CDK8: variants seen among roughly 807,000 people sequenced by gnomAD.
The protein encoded by CDK8 is cyclin dependent kinase 8, also known as cyclin-dependent kinase 8.
CDK8 carries 29 observed loss-of-function variants against 71.5 expected under a neutral mutation model. That is an observed-to-expected ratio of 0.41 (90% CI 0.30 to 0.55). The LOEUF is 0.55. Among genes scored for constraint, CDK8 ranks in the 20% least tolerant of loss-of-function variants. The pLI, the probability that CDK8 is intolerant of heterozygous loss-of-function variation, is 0.37. For missense variants in CDK8, 288 were observed against 572.6 expected (o/e 0.50, Z 5.07); for synonymous variants, 161 against 192.1 (o/e 0.84, Z 1.34).
intron 2 of CDK8, among the ~76,000 whole-genome samples, chr13:26,340,906 A>T (rs1293126058): frequency 6.6e-6 from 1 of 152,206 alleles, no homozygotes; most frequent in Non-Finnish European, 1.5e-5. Flanking sequence ...CTAAAAGCAA[A>T]GAGCATTGCA....
chr13:26,257,232 A>G (rs1454848500), intron 1 of CDK8, among the ~76,000 whole-genome samples: 1 of 152,206 alleles, frequency 6.6e-6, no homozygotes, highest in Non-Finnish European at 1.5e-5. Context: ...AAGTAACGCA[A>G]ATAAGCTTGG....
intron 1 of CDK8, among the ~76,000 whole-genome samples, chr13:26,275,076 A>G (rs1402771805): frequency 6.6e-6 from 1 of 152,150 alleles, no homozygotes; most frequent in African/African-American, 2.4e-5. Context: ...TGCTGCTTTT[A>G]TCATTACCCT....
chr13:26,273,067 CTA>C (rs1872403944), intron 1 of CDK8, among the ~76,000 whole-genome samples: 2 of 152,068 alleles, frequency 1.3e-5, no homozygotes, highest in Non-Finnish European at 2.9e-5. Flanking sequence ...ACAAAAACTT[CTA>C]TGTTTTTTCC....
chr13:26,345,311 C>G (rs1417899220), intron 2 of CDK8, among the ~76,000 whole-genome samples: 1 of 152,134 alleles, frequency 6.6e-6, no homozygotes, highest in African/African-American at 2.4e-5. Flanking sequence ...AGTCTTTACT[C>G]TCAGAGATTT....
intron 1 of CDK8, among the ~76,000 whole-genome samples, chr13:26,271,806 C>CTTTTTTTTTTTT (rs58160694): frequency 3.2e-5 from 2 of 62,684 alleles, no homozygotes; most frequent in African/African-American, 1.7e-4. Flanking sequence ...GAGACCCTGT[C>CTTTTTTTTTTTT]TTTTTTTTTT....
At chr13:26,341,652 T>A (rs1873243883) in intron 2 of CDK8, among the ~76,000 whole-genome samples, 1 of 152,212 alleles carries the variant, frequency 6.6e-6, no homozygotes, top group South Asian at 2.1e-4. Flanking sequence ...TTAGGCTTTT[T>A]AAGCCCATTT....
At chr13:26,348,929 C>T (rs752853480) in intron 2 of CDK8, 143 bp from the exon 3 acceptor site, 38 of 660,268 alleles carry the variant, frequency 5.8e-5, no homozygotes, top group Non-Finnish European at 7.8e-5. Context: ...CTGAAGTATC[C>T]GTCTCAGAAT....
Position 26,337,591 on chromosome 13 carries a change from A to G in CDK8, c.153A>G (p.Leu51=), listed in dbSNP as rs747251161. The G allele has an allele frequency of 2.1e-6, 3 of 1,463,126 alleles. No individual in the cohort carries two copies. The East Asian group carries it at 7.4e-5, about 36-fold the overall frequency. 90.6% of individuals were successfully genotyped at this position (1,463,126 alleles called of 1,614,324 possible). ...GGAAGGATGATAAAGACTATGCTTTAAAACAAATAGAAGGAACTGGGATCT... is the reference window on the plus strand; with the variant it reads ...GGAAGGATGATAAAGACTATGCTTTGAAACAAATAGAAGGAACTGGGATCT... ...KDGKDDKDYA[L]KQIEGTGISM... Residue 51 remains leucine (L), a synonymous_variant, in exon 2 of 13, where the codon TTA becomes TTG. Coordinates refer to ENST00000381527, the MANE Select transcript of CDK8 (RefSeq NM_001260.3).
At chr13:26,385,482 C>T in intron 6 of CDK8, 140 bp downstream of exon 6, 1 of 646,442 alleles carries the variant, frequency 1.5e-6, no homozygotes, top group South Asian at 3.2e-5. Context: ...TGCCTGTAAT[C>T]CAAGCACTTT....
rs912559265 is a variant in CDK8 at position 26,337,870 on chromosome 13, C to T, written c.204+228C>T. 2.6e-5 allele frequency among the ~76,000 whole-genome samples: 4 copies of T among 151,970 alleles called. No homozygotes were observed. In the South Asian group the frequency reaches 6.2e-4, roughly 24 times the overall value. On this transcript the variant is annotated intron_variant, in intron 2 of 12. Transcript: ENST00000381527. ...TAAATTTCAGTTGTTTATATAAATA[C>T]ATGTTTTCCCAATACCTGTCACTAA...
intron 6 of CDK8, 152 bp from the exon 7 acceptor site, chr13:26,393,215 A>G: frequency 1.8e-6 from 1 of 566,832 alleles, no homozygotes. Context: ...CTTAGGAATT[A>G]ATATGAGTTA....
intron 1 of CDK8, among the ~76,000 whole-genome samples, chr13:26,299,464 C>G (rs1873722105): frequency 6.6e-6 from 1 of 152,152 alleles, no homozygotes; most frequent in Non-Finnish European, 1.5e-5. Flanking sequence ...ATGGTGCTGT[C>G]CTGAATCTTG....
intron 4 of CDK8, among the ~76,000 whole-genome samples, chr13:26,354,600 G>A (rs1873816020): frequency 6.6e-6 from 1 of 152,166 alleles, no homozygotes; most frequent in Non-Finnish European, 1.5e-5. Flanking sequence ...CAGATCAGTG[G>A]CAGCATTAGA....
intron 4 of CDK8, among the ~76,000 whole-genome samples, chr13:26,360,413 C>T (rs144455589): frequency 6.6e-6 from 1 of 152,320 alleles, no homozygotes; most frequent in African/African-American, 2.4e-5. Flanking sequence ...AGCTAATTTT[C>T]CAGCCAACTC....
intron 6 of CDK8, among the ~76,000 whole-genome samples, chr13:26,391,803 CACTT>C (rs1359894099): frequency 6.6e-6 from 1 of 152,166 alleles, no homozygotes; most frequent in Admixed American, 6.5e-5. Context: ...TTTTTAAAAT[CACTT>C]GCTGCAGTCA....
chr13:26,324,893 C>A, intron 1 of CDK8: 2 of 354,852 alleles, frequency 5.6e-6, no homozygotes, highest in Non-Finnish European at 7.9e-6. Flanking sequence ...CTGAAACAGA[C>A]AAGAAAAGAC....
At chr13:26,372,421 G>T (rs2031807) in intron 4 of CDK8, among the ~76,000 whole-genome samples, 1 of 152,174 alleles carries the variant, frequency 6.6e-6, no homozygotes. Flanking sequence ...AATAATAGAT[G>T]ATAAAAGCCA....
At chr13:26,273,097 T>C (rs1251835902) in intron 1 of CDK8, among the ~76,000 whole-genome samples, 2 of 152,244 alleles carry the variant, frequency 1.3e-5, no homozygotes, top group Non-Finnish European at 2.9e-5. Flanking sequence ...TTTATAGTTG[T>C]AACTCCTAGA....
At chr13:26,322,148 T>C (rs74042604) in intron 1 of CDK8, among the ~76,000 whole-genome samples, 4,386 of 152,230 alleles carry the variant, frequency 0.029, 202 homozygotes, top group African/African-American at 0.099. Flanking sequence ...GGCAATGATG[T>C]TTTTCCAACT....
Sources: gnomAD v4.1 joint callset for allele counts (sites outside exome capture counted in the v4.1 genomes callset) on GRCh38, gnomAD v4.1.1 for gene constraint, MANE v1.5 for transcripts, NCBI Gene and HGNC (gene_info 2026-07-23, HGNC 2026-07-21) for gene names.